Variants in SMIM3 observed in about 807,000 individuals in gnomAD.
SMIM3 encodes the protein NGF-induced differentiation clone 67 protein.
Under a neutral mutation model 2.1 loss-of-function variants are expected in SMIM3, and 4 were observed. The ratio of observed to expected loss-of-function variants is 1.89; its 90% CI spans 0.93 to 4.31. The LOEUF is 4.31. Among genes scored for constraint, SMIM3 ranks in the 30% most tolerant of loss-of-function variants. The pLI, the probability that SMIM3 is intolerant of heterozygous loss-of-function variation, is 0.01. For missense variants in SMIM3, 79 were observed against 77.7 expected (o/e 1.02, Z -0.06); for synonymous variants, 29 against 30.8 (o/e 0.94, Z 0.19).
intron 1 of SMIM3, among the ~76,000 whole-genome samples, chr5:150,787,308 T>A (rs920945096): frequency 3.2e-4 from 48 of 152,164 alleles, no homozygotes; most frequent in African/African-American, 1.1e-3. Context: ...TTCCATCAGG[T>A]TTTTTTGGTC....
In SMIM3 at chr5:150,778,866, C is replaced by A. The variant is rs371174424; in HGVS notation, c.-118C>A. The A allele has an allele frequency of 1.4e-5, 7 of 489,216 alleles. No homozygotes were observed. The highest frequency in any genetic ancestry group is 1.2e-4 in the African/African-American group (6 of 50,808). The allele number at this position is 489,216 out of a possible 1,614,324, so 30.3% of individuals were successfully genotyped here. A position where few individuals can be genotyped will look rare whatever the true frequency, so the allele number is the denominator to read the frequency against. On this transcript the variant is annotated 5_prime_UTR_variant, in exon 1 of 2. Coordinates refer to ENST00000526627, the MANE Select transcript of SMIM3 (RefSeq NM_032947.5). The stretch of plus-strand genomic sequence containing the variant: ...AGCTGCCTAGGGCTGAGGTTCCAGG[C>A]CTGGGGGTCGCTTCCAGCTGCCAGA...
In SMIM3 at chr5:150,796,026, G is replaced by A. The variant is rs901209431; in HGVS notation, c.*403G>A. ...AGATACTGGGGGCAGAGCAGACTTT[G>A]CCAGTGCCCCTCAGGTCAAACCAAG... On this transcript the variant is annotated 3_prime_UTR_variant, in exon 2 of 2. Coordinates refer to ENST00000526627, the MANE Select transcript of SMIM3 (RefSeq NM_032947.5). The A allele has an allele frequency of 1.6e-5, 3 of 187,904 alleles. No homozygotes were observed. Among genetic ancestry groups the A allele is most frequent in the African/African-American group, 7.1e-5 (3 of 42,460 alleles). 11.6% of individuals were successfully genotyped at this position (187,904 alleles called of 1,614,324 possible). A position where few individuals can be genotyped will look rare whatever the true frequency, so the allele number is the denominator to read the frequency against.
intron 1 of SMIM3, among the ~76,000 whole-genome samples, chr5:150,790,421 G>T (rs1205761661): frequency 1.3e-5 from 2 of 152,148 alleles, no homozygotes; most frequent in African/African-American, 4.8e-5. Context: ...CCCGCCCCCG[G>T]TCCTCTAACA....
chr5:150,793,030 G>A (rs528503414), intron 1 of SMIM3, among the ~76,000 whole-genome samples: 16 of 145,034 alleles, frequency 1.1e-4, no homozygotes, highest in South Asian at 9.2e-4. Context: ...TTCAATTTGC[G>A]TGTATTTTTT....
intron 1 of SMIM3, among the ~76,000 whole-genome samples, chr5:150,786,324 G>A (rs1342297773): frequency 6.6e-6 from 1 of 152,108 alleles, no homozygotes; most frequent in Non-Finnish European, 1.5e-5. Context: ...GTCTCACTCT[G>A]TCACCCAGAC....
intron 1 of SMIM3, among the ~76,000 whole-genome samples, chr5:150,789,649 G>A (rs1421497174): frequency 2.0e-5 from 3 of 152,172 alleles, no homozygotes; most frequent in Non-Finnish European, 4.4e-5. Flanking sequence ...TACCAAGTAA[G>A]CCCGCTGCAC....
intron 1 of SMIM3, among the ~76,000 whole-genome samples, chr5:150,787,832 G>T (rs1306767874): frequency 6.6e-6 from 1 of 152,154 alleles, no homozygotes; most frequent in Non-Finnish European, 1.5e-5. Flanking sequence ...TGTGTTTGAG[G>T]AAATAAGGGA....
intron 1 of SMIM3, among the ~76,000 whole-genome samples, chr5:150,784,038 C>A (rs933345742): frequency 2.0e-5 from 3 of 151,536 alleles, no homozygotes; most frequent in African/African-American, 7.3e-5. Context: ...CCTGCCTCAG[C>A]CTCCCGAGTA....
intron 1 of SMIM3, among the ~76,000 whole-genome samples, chr5:150,779,204 T>C (rs1031165313): frequency 6.6e-6 from 1 of 152,040 alleles, no homozygotes; most frequent in Non-Finnish European, 1.5e-5. Context: ...GCACAGAATT[T>C]TGGGCCTGGG....
chr5:150,782,664 G>T (rs1753247883), intron 1 of SMIM3, among the ~76,000 whole-genome samples: 1 of 152,182 alleles, frequency 6.6e-6, no homozygotes, highest in African/African-American at 2.4e-5. Context: ...CCCAGAAAAT[G>T]ATAAAATCAG....
intron 1 of SMIM3, among the ~76,000 whole-genome samples, chr5:150,782,373 C>A (rs1237919026): frequency 6.6e-6 from 1 of 152,158 alleles, no homozygotes; most frequent in Non-Finnish European, 1.5e-5. Flanking sequence ...AACCTGCCCC[C>A]ACTTTTATCA....
intron 1 of SMIM3, among the ~76,000 whole-genome samples, chr5:150,782,058 A>G (rs1293932277): frequency 6.6e-6 from 1 of 152,190 alleles, no homozygotes; most frequent in African/African-American, 2.4e-5. Flanking sequence ...AAACTCAGGC[A>G]GGTCTGTAGT....
At chr5:150,780,428 G>C (rs965903686) in intron 1 of SMIM3, among the ~76,000 whole-genome samples, 4 of 152,148 alleles carry the variant, frequency 2.6e-5, no homozygotes, top group African/African-American at 9.7e-5. Flanking sequence ...CTCCAGCCGG[G>C]ACCTCCTGTT....
chr5:150,784,242 C>T (rs10463306), intron 1 of SMIM3, among the ~76,000 whole-genome samples: 24,247 of 152,080 alleles, frequency 0.16, 3,630 homozygotes, highest in African/African-American at 0.39. Flanking sequence ...GTGCTTTATG[C>T]GCATTAGCTC....
At chr5:150,780,344 G>A (rs1561722296) in intron 1 of SMIM3, among the ~76,000 whole-genome samples, 1 of 152,172 alleles carries the variant, frequency 6.6e-6, no homozygotes, top group Non-Finnish European at 1.5e-5. Context: ...CACACGCAAA[G>A]CAGCACAGCT....
In SMIM3 at chr5:150,795,329, C is replaced by T. The variant is rs1753390754; in HGVS notation, c.-11-101C>T. On this transcript the variant is annotated intron_variant, in intron 1 of 1. Coordinates refer to ENST00000526627, the MANE Select transcript of SMIM3 (RefSeq NM_032947.5). ...TCAGGGAACCTTAAAGTTTACATAT[C>T]TGGTAAGTGACCCAGGCTTCTGACT... is the stretch of plus-strand genomic sequence containing the variant. 58 of 1,215,918 alleles carry T rather than the reference C, an allele frequency of 4.8e-5. No homozygotes were observed. In the South Asian group the frequency reaches 5.5e-4, roughly 11 times the overall value. The allele number at this position is 1,215,918 out of a possible 1,614,324, so 75.3% of individuals were successfully genotyped here.
chr5:150,780,507 A>G (rs1190746188), intron 1 of SMIM3, among the ~76,000 whole-genome samples: 1 of 152,198 alleles, frequency 6.6e-6, no homozygotes, highest in African/African-American at 2.4e-5. Context: ...CTCTCCCACA[A>G]GTGACCTCTC....
chr5:150,794,278 A>G (rs1317536170), intron 1 of SMIM3, among the ~76,000 whole-genome samples: 1 of 152,222 alleles, frequency 6.6e-6, no homozygotes, highest in Non-Finnish European at 1.5e-5. Flanking sequence ...TTCCTTAAAT[A>G]ACTAAAAGTA....
At chr5:150,781,241 C>T (rs1348600904) in intron 1 of SMIM3, among the ~76,000 whole-genome samples, 2 of 152,208 alleles carry the variant, frequency 1.3e-5, no homozygotes, top group East Asian at 3.9e-4. Flanking sequence ...GATCTTGCCT[C>T]TGTCACTTAC....
Sources: allele counts gnomAD v4.1 joint callset (sites outside exome capture counted in the v4.1 genomes callset), GRCh38; gene constraint gnomAD v4.1.1; transcripts MANE v1.5; gene names NCBI Gene and HGNC (gene_info 2026-07-23, HGNC 2026-07-21).